Variants in MCPH1 observed in about 807,000 individuals in gnomAD.
The protein encoded by MCPH1 is microcephalin 1.
Under a neutral mutation model 84.5 loss-of-function variants are expected in MCPH1, and 104 were observed. The observed-to-expected ratio is 1.23, with a 90% CI of 1.05 to 1.45. The LOEUF (loss-of-function observed/expected upper bound fraction) is 1.45. Among genes scored for constraint, MCPH1 ranks in the 40% most tolerant of loss-of-function variants. The pLI, the probability that MCPH1 is intolerant of heterozygous loss-of-function variation, is 0.00. For missense variants in MCPH1, 1,498 were observed against 1,005.7 expected (o/e 1.49, Z -6.62); for synonymous variants, 514 against 366.8 (o/e 1.40, Z -4.58).
In MCPH1 at chr8:6,646,365, AAAC is replaced by A. The variant is rs1399704896; in HGVS notation, c.*3325_*3327del. ...TTGAACCCAAGAGAGTCCAGCTCAA[AAAC>A]AACAACAAGAACAAAAGTATCACAT... On this transcript the variant is annotated 3_prime_UTR_variant, in exon 14 of 14. Coordinates refer to ENST00000344683, the MANE Select transcript of MCPH1 (RefSeq NM_024596.5). 18 of 152,354 alleles carry A rather than the reference AAAC, an allele frequency of 1.2e-4. No individual in the cohort carries two copies. The highest frequency in any genetic ancestry group is 2.2e-4 in the African/African-American group (9 of 41,582). The allele number at this position is 152,354 out of a possible 1,614,324, so 9.4% of individuals were successfully genotyped here. A position where few individuals can be genotyped will look rare whatever the true frequency, so the allele number is the denominator to read the frequency against.
chr8:6,425,849 A>G (rs1339542836), intron 3 of MCPH1, among the ~76,000 whole-genome samples: 1 of 152,140 alleles, frequency 6.6e-6, no homozygotes, highest in Non-Finnish European at 1.5e-5. Context: ...CTTTGTCCTG[A>G]TGATGGTGGT....
chr8:6,489,108 G>A (rs1326286927), intron 11 of MCPH1, among the ~76,000 whole-genome samples: 2 of 152,160 alleles, frequency 1.3e-5, no homozygotes, highest in African/African-American at 4.8e-5. Context: ...AAAAATTGAT[G>A]TAGGCATATT....
At chr8:6,586,236 C>T (rs1325753255) in intron 12 of MCPH1, among the ~76,000 whole-genome samples, 5 of 152,190 alleles carry the variant, frequency 3.3e-5, no homozygotes, top group African/African-American at 1.2e-4. Context: ...CCTGGGATTA[C>T]AGGTGTGAGC....
chr8:6,474,473 A>G (rs59019374), intron 9 of MCPH1, among the ~76,000 whole-genome samples: 2,473 of 152,224 alleles, frequency 0.016, 72 homozygotes, highest in African/African-American at 0.057. Flanking sequence ...CCAAAAAAAA[A>G]ATTGCACCAC....
chr8:6,562,625 G>C (rs1300630295), intron 12 of MCPH1: 4 of 1,284,760 alleles, frequency 3.1e-6, no homozygotes, highest in East Asian at 4.1e-5. Flanking sequence ...TGTTCACAAA[G>C]ACAGATGGAT....
At chr8:6,640,097 T>TGCGC (rs59378325) in intron 13 of MCPH1, among the ~76,000 whole-genome samples, 17 of 131,488 alleles carry the variant, frequency 1.3e-4, no homozygotes, top group African/African-American at 3.2e-4. Flanking sequence ...TGTGTGTGTG[T>TGCGC]GCGCGCGCGT....
intron 12 of MCPH1, among the ~76,000 whole-genome samples, chr8:6,547,705 G>A (rs1188696479): frequency 6.6e-6 from 1 of 152,066 alleles, no homozygotes; most frequent in Non-Finnish European, 1.5e-5. Context: ...CAGAGCTGCA[G>A]CAACACTGGT....
intron 12 of MCPH1, among the ~76,000 whole-genome samples, chr8:6,613,608 A>C (rs960090896): frequency 2.4e-4 from 36 of 151,770 alleles, no homozygotes; most frequent in African/African-American, 8.7e-4. Flanking sequence ...CCGGGGAGAC[A>C]GGAGCCCAAG....
At chr8:6,490,934 A>G (rs1330828021) in intron 11 of MCPH1, among the ~76,000 whole-genome samples, 6 of 94,984 alleles carry the variant, frequency 6.3e-5, no homozygotes, top group Non-Finnish European at 1.1e-4. Context: ...AGCATTGTAT[A>G]TATTAATAAT....
chr8:6,448,041 G>A (rs1804651869), intron 8 of MCPH1, among the ~76,000 whole-genome samples: 1 of 152,046 alleles, frequency 6.6e-6, no homozygotes, highest in Non-Finnish European at 1.5e-5. Context: ...ACATGCACCC[G>A]TTGTGTCTCA....
At chr8:6,625,257 G>C in intron 13 of MCPH1, 1 of 985,444 alleles carries the variant, frequency 1.0e-6, no homozygotes, top group Non-Finnish European at 1.2e-6. Context: ...CCCACATGCT[G>C]GTTAAAGGAG....
intron 2 of MCPH1, among the ~76,000 whole-genome samples, chr8:6,411,149 A>G (rs1171452251): frequency 3.9e-5 from 6 of 152,138 alleles, no homozygotes; most frequent in Non-Finnish European, 8.8e-5. Context: ...GCCTGATGTC[A>G]AAAGGTCATT....
chr8:6,464,418 T>G (rs903473242), intron 9 of MCPH1, among the ~76,000 whole-genome samples: 1 of 152,242 alleles, frequency 6.6e-6, no homozygotes, highest in African/African-American at 2.4e-5. Context: ...GAGAAAATAT[T>G]TCTACAGAAA....
At chr8:6,598,722 G>C (rs1231291480) in intron 12 of MCPH1, among the ~76,000 whole-genome samples, 1 of 152,256 alleles carries the variant, frequency 6.6e-6, no homozygotes, top group South Asian at 2.1e-4. Flanking sequence ...GTGTGGGTGA[G>C]GAAGCGCAGT....
intron 12 of MCPH1, among the ~76,000 whole-genome samples, chr8:6,522,338 G>A (rs1340194425): frequency 6.6e-6 from 1 of 151,818 alleles, no homozygotes; most frequent in African/African-American, 2.4e-5. Flanking sequence ...CTGGGCGACA[G>A]AGCGAGACTC....
intron 3 of MCPH1, among the ~76,000 whole-genome samples, chr8:6,420,653 G>T (rs1800041231): frequency 6.6e-6 from 1 of 152,114 alleles, no homozygotes; most frequent in East Asian, 1.9e-4. Flanking sequence ...ATCTCTCATA[G>T]ATCTTTATCT....
At position 6,447,438 on chromosome 8, in the gene MCPH1, G is replaced by C. The variant is rs1027965469; in HGVS notation, c.1825+1891G>C. The stretch of plus-strand genomic sequence containing the variant: ...CAGTTCACTTTTACTTGTTGCTGTT[G>C]TCAGTATCTAAGATACAGTGTAAAA... On this transcript the variant is annotated intron_variant, in intron 8 of 13. Coordinates refer to ENST00000344683, the MANE Select transcript of MCPH1 (RefSeq NM_024596.5). 3 of 985,022 alleles carry C rather than the reference G, an allele frequency of 3.0e-6. 1 individual carries two copies. The highest frequency in any genetic ancestry group is 2.3e-4 in the East Asian group (2 of 8,822). The allele number at this position is 985,022 out of a possible 1,614,324, so 61.0% of individuals were successfully genotyped here.
chr8:6,616,832 T>G (rs1319513318), intron 12 of MCPH1: 2 of 152,244 alleles, frequency 1.3e-5, no homozygotes, highest in Non-Finnish European at 2.9e-5. Context: ...GAGCAGTCCA[T>G]AAGCTCCACT....
chr8:6,513,697 T>C, intron 12 of MCPH1: 9 of 1,611,626 alleles, frequency 5.6e-6, no homozygotes, highest in Non-Finnish European at 7.6e-6. Flanking sequence ...AGTTCTTCAC[T>C]TGAGAGATAG....
Sources: gnomAD v4.1 joint callset for allele counts (sites outside exome capture counted in the v4.1 genomes callset) on GRCh38, gnomAD v4.1.1 for gene constraint, MANE v1.5 for transcripts, NCBI Gene and HGNC (gene_info 2026-07-23, HGNC 2026-07-21) for gene names.